ABL2: variants seen among roughly 807,000 people sequenced by gnomAD.
The protein encoded by ABL2 is tyrosine-protein kinase ABL2.
Under a neutral mutation model 107.7 loss-of-function variants are expected in ABL2, and 49 were observed. That is an observed-to-expected ratio of 0.45 (90% CI 0.36 to 0.58). The LOEUF is 0.58. Ranked by LOEUF, ABL2 falls within the 20% of genes least tolerant of loss-of-function variation. The probability of loss-of-function intolerance (pLI) is 0.00; values close to 1 mark genes in which losing one functional copy is unlikely to be tolerated. For synonymous variants in ABL2, 549 were observed against 548.6 expected (o/e 1.00, Z -0.01); for missense variants, 1,245 against 1,457.0 (o/e 0.85, Z 2.37).
chr1:179,135,071 G>A (rs1477331641), intron 1 of ABL2, among the ~76,000 whole-genome samples: 2 of 152,160 alleles, frequency 1.3e-5, no homozygotes, highest in South Asian at 2.1e-4. Flanking sequence ...GCGTGATCTC[G>A]GCTCACTACA....
At chr1:179,117,241 T>C in intron 8 of ABL2, 91 bp downstream of exon 8, 2 of 1,281,442 alleles carry the variant, frequency 1.6e-6, no homozygotes, top group Non-Finnish European at 2.2e-6. Context: ...AGGTAGAGGA[T>C]ACTGAACATC....
intron 2 of ABL2, 121 bp downstream of exon 2, chr1:179,133,191 T>C (rs953105401): frequency 3.4e-6 from 5 of 1,487,190 alleles, no homozygotes; most frequent in African/African-American, 1.4e-5. Flanking sequence ...AATAGTTTTA[T>C]CATATATGAA....
Position 179,104,024 on chromosome 1 carries a change from G to T in ABL2, c.*3694C>A, listed in dbSNP as rs1455702182. On this transcript the variant is annotated 3_prime_UTR_variant, in exon 12 of 12. Transcript: ENST00000502732. ...CACTGGGAATTCTGATCTGGAGTGG[G>T]GCTATTCCGTCAGTTTTTTTTGTTT... 8.6e-6 allele frequency: 2 copies of T among 233,390 alleles called. No individual in the cohort carries two copies. The highest frequency in any genetic ancestry group is 4.4e-5 in the African/African-American group (2 of 45,316). The allele number at this position is 233,390 out of a possible 1,614,324, so 14.5% of individuals were successfully genotyped here.
intron 1 of ABL2, among the ~76,000 whole-genome samples, chr1:179,160,490 G>C (rs1658994131): frequency 6.6e-6 from 1 of 151,842 alleles, no homozygotes; most frequent in Non-Finnish European, 1.5e-5. Context: ...TATTAGATTA[G>C]TATGTATACA....
chr1:179,149,318 T>C (rs576067707), intron 1 of ABL2, among the ~76,000 whole-genome samples: 49 of 152,312 alleles, frequency 3.2e-4, no homozygotes, highest in Non-Finnish European at 6.5e-4. Flanking sequence ...GAAGAAAAGT[T>C]TGAAGGTAGC....
At position 179,100,564 on chromosome 1, in the gene ABL2, TTA is replaced by T. The variant is rs1653015813; in HGVS notation, c.*7152_*7153del. The T allele has an allele frequency of 4.4e-6, 1 of 229,172 alleles. No individual in the cohort carries two copies. Among genetic ancestry groups the T allele is most frequent in the Non-Finnish European group, 8.6e-6 (1 of 115,630 alleles). 14.2% of individuals were successfully genotyped at this position (229,172 alleles called of 1,614,324 possible). A position where few individuals can be genotyped will look rare whatever the true frequency, so the allele number is the denominator to read the frequency against. ...AGCAAGTTCTGACTACACAAACTCC[TTA>T]TGTTTCCTTTCATAAAGCCTGCTAG... On this transcript the variant is annotated 3_prime_UTR_variant, in exon 12 of 12. Transcript: ENST00000502732.
At chr1:179,162,233 T>C (rs1659108286) in intron 1 of ABL2, among the ~76,000 whole-genome samples, 1 of 152,086 alleles carries the variant, frequency 6.6e-6, no homozygotes, top group East Asian at 1.9e-4. Context: ...ATATAACAAG[T>C]CCAACAATAA....
At chr1:179,216,713 A>G (rs910206539) in intron 1 of ABL2, among the ~76,000 whole-genome samples, 1 of 151,558 alleles carries the variant, frequency 6.6e-6, no homozygotes, top group African/African-American at 2.4e-5. Context: ...GTGGTTACAC[A>G]GATTCTTTTT....
Position 179,100,416 on chromosome 1 carries a change from C to T in ABL2, c.*7302G>A, listed in dbSNP as rs974238678. 4.4e-6 allele frequency: 1 copy of T among 226,610 alleles called. No homozygotes were observed. The highest frequency in any genetic ancestry group is 8.8e-6 in the Non-Finnish European group (1 of 114,074). 14.0% of individuals were successfully genotyped at this position (226,610 alleles called of 1,614,324 possible). ...AGTCCTGCAAAACCTTCTGAAACAACAATAAATTTGCATATTCTTTTTATT... is the reference window on the plus strand; with the variant it reads ...AGTCCTGCAAAACCTTCTGAAACAATAATAAATTTGCATATTCTTTTTATT... On this transcript the variant is annotated 3_prime_UTR_variant, in exon 12 of 12. Transcript: ENST00000502732.
At position 179,133,431 on chromosome 1, in the gene ABL2, C is replaced by CTA. The variant is rs1037609521; in HGVS notation, c.158-58_158-57insTA. The CTA allele has an allele frequency of 5.0e-6, 8 of 1,613,398 alleles. No homozygotes were observed. The African/African-American group carries it at 6.7e-5, about 13-fold the overall frequency. ...TTCTTAAGCTTCTTCAATAGTTTAA[C>CTA]ATCAAGCTAAAGTCTCCTTTTCATG... On this transcript the variant is annotated intron_variant, in intron 1 of 11. Coordinates refer to ENST00000502732, the MANE Select transcript of ABL2 (RefSeq NM_007314.4).
At position 179,229,434 on chromosome 1, in the gene ABL2, CT is replaced by C; in HGVS notation, c.-38del. The C allele has an allele frequency of 6.8e-7, 1 of 1,476,110 alleles. No homozygotes were observed. The highest frequency in any genetic ancestry group is 8.9e-7 in the Non-Finnish European group (1 of 1,124,864). 91.4% of individuals were successfully genotyped at this position (1,476,110 alleles called of 1,614,324 possible). Reference sequence around the variant, plus strand: ...CGTACTCCCGCGCCCCCGCCGACCCCTGGTCACATTCCTCCTCGGCTCCGGC... The same window carrying C: ...CGTACTCCCGCGCCCCCGCCGACCCCGGTCACATTCCTCCTCGGCTCCGGC... On this transcript the variant is annotated 5_prime_UTR_variant, in exon 1 of 12. Coordinates refer to ENST00000502732, the MANE Select transcript of ABL2 (RefSeq NM_007314.4).
At chr1:179,172,047 T>C (rs1204596571) in intron 1 of ABL2, among the ~76,000 whole-genome samples, 1 of 152,154 alleles carries the variant, frequency 6.6e-6, no homozygotes, top group Non-Finnish European at 1.5e-5. Context: ...TTACTGAAGG[T>C]AGTCACAGAG....
chr1:179,217,244 G>A (rs1486492227), intron 1 of ABL2, among the ~76,000 whole-genome samples: 3 of 151,982 alleles, frequency 2.0e-5, no homozygotes, highest in Non-Finnish European at 4.4e-5. Flanking sequence ...AACCCAAGAG[G>A]CCGAGGTTGC....
rs3046363 is a variant in ABL2, at chr1:179,229,632, A to ACGCCGCCGCCGCCGCCGCCGC, written c.-256_-236dup. 801 of 451,778 alleles carry ACGCCGCCGCCGCCGCCGCCGC rather than the reference A, an allele frequency of 1.8e-3. 11 individuals are homozygous for ACGCCGCCGCCGCCGCCGCCGC. The highest frequency in any genetic ancestry group is 0.017 in the African/African-American group (755 of 45,574). The allele number at this position is 451,778 out of a possible 1,614,324, so 28.0% of individuals were successfully genotyped here. ...CTCCTGTCGCGGCTCCGCGCCCCCA[A>ACGCCGCCGCCGCCGCCGCCGC]CGCCGCCGCCGCCGCCGCCGCCACC... On this transcript the variant is annotated 5_prime_UTR_variant, in exon 1 of 12. Transcript: ENST00000502732.
chr1:179,159,009 A>G (rs1174659509), intron 1 of ABL2, among the ~76,000 whole-genome samples: 1 of 152,210 alleles, frequency 6.6e-6, no homozygotes, highest in Non-Finnish European at 1.5e-5. Context: ...GGCAGCTGTT[A>G]TATTATGAGT....
chr1:179,216,221 T>C (rs1328675142), intron 1 of ABL2, among the ~76,000 whole-genome samples: 1 of 152,258 alleles, frequency 6.6e-6, no homozygotes, highest in African/African-American at 2.4e-5. Context: ...AGCTAAGTGC[T>C]GTTTTCATAT....
intron 3 of ABL2, among the ~76,000 whole-genome samples, chr1:179,129,498 T>C (rs2486996): frequency 1 from 152,192 of 152,220 alleles, 76,082 homozygotes; most frequent in Middle Eastern, 1. Context: ...CTGACCAACA[T>C]GGGTGAAACC....
At chr1:179,170,262 C>T (rs1472728798) in intron 1 of ABL2, among the ~76,000 whole-genome samples, 1 of 152,132 alleles carries the variant, frequency 6.6e-6, no homozygotes, top group Non-Finnish European at 1.5e-5. Context: ...GGGTGGAGCC[C>T]TCATGACCTA....
chr1:179,182,563 C>A (rs1346871766), intron 1 of ABL2, among the ~76,000 whole-genome samples: 1 of 152,158 alleles, frequency 6.6e-6, no homozygotes, highest in Non-Finnish European at 1.5e-5. Flanking sequence ...AAGATAATGG[C>A]TTCCAGTTCC....
Sources: allele counts gnomAD v4.1 joint callset (sites outside exome capture counted in the v4.1 genomes callset), GRCh38; gene constraint gnomAD v4.1.1; transcripts MANE v1.5; gene names NCBI Gene and HGNC (gene_info 2026-07-23, HGNC 2026-07-21).